The following FHIT variants were observed in gnomAD, a reference collection of about 807,000 sequenced individuals.
FHIT encodes bis(5'-adenosyl)-triphosphatase.
Under a neutral mutation model 17.9 loss-of-function variants are expected in FHIT, and 19 were observed. That is an observed-to-expected ratio of 1.06 (90% CI 0.74 to 1.56). FHIT has a LOEUF of 1.56. Among genes scored for constraint, FHIT ranks in the 40% most tolerant of loss-of-function variants. FHIT has a pLI of 0.00. For synonymous variants in FHIT, 81 were observed against 69.7 expected, an observed-to-expected ratio of 1.16 and a Z score of -0.81; for missense variants, 248 against 189.2, an observed-to-expected ratio of 1.31 and a Z score of -1.82.
intron 5 of FHIT, among the ~76,000 whole-genome samples, chr3:60,159,335 G>A (rs1559686106): frequency 6.6e-6 from 1 of 152,142 alleles, no homozygotes; most frequent in South Asian, 2.1e-4. Flanking sequence ...TACCCAGGCT[G>A]GTCTCAAACT....
At chr3:60,940,567 C>A (rs1462005608) in intron 3 of FHIT, among the ~76,000 whole-genome samples, 1 of 151,992 alleles carries the variant, frequency 6.6e-6, no homozygotes, top group Non-Finnish European at 1.5e-5. Flanking sequence ...AAAATAAATA[C>A]AATGAGGGTT....
At chr3:60,584,924 A>G (rs1333386354) in intron 4 of FHIT, among the ~76,000 whole-genome samples, 1 of 152,042 alleles carries the variant, frequency 6.6e-6, no homozygotes, top group Admixed American at 6.6e-5. Context: ...TCACTCCACT[A>G]AACTACATGA....
chr3:60,010,552 T>A (rs910009919), intron 7 of FHIT, among the ~76,000 whole-genome samples: 1 of 152,232 alleles, frequency 6.6e-6, no homozygotes, highest in African/African-American at 2.4e-5. Context: ...AGCATTAAAC[T>A]TTATTTCAAC....
At chr3:60,682,188 G>A (rs2040765521) in intron 4 of FHIT, among the ~76,000 whole-genome samples, 1 of 152,014 alleles carries the variant, frequency 6.6e-6, no homozygotes, top group African/African-American at 2.4e-5. Context: ...GGCTAGGCTG[G>A]TCTCGAACTC....
intron 8 of FHIT, among the ~76,000 whole-genome samples, chr3:59,918,301 G>A (rs1204780246): frequency 6.6e-6 from 1 of 152,114 alleles, no homozygotes; most frequent in Non-Finnish European, 1.5e-5. Context: ...CCTAAAGACT[G>A]TAACACATAA....
At chr3:59,816,581 A>G (rs1700607171) in intron 8 of FHIT, among the ~76,000 whole-genome samples, 2 of 152,138 alleles carry the variant, frequency 1.3e-5, no homozygotes, top group Admixed American at 6.5e-5. Flanking sequence ...GTTTGCAGAC[A>G]GTGATAGGTG....
At chr3:60,181,425 T>C (rs1196913426) in intron 5 of FHIT, among the ~76,000 whole-genome samples, 2 of 152,112 alleles carry the variant, frequency 1.3e-5, no homozygotes, top group African/African-American at 2.4e-5. Context: ...GGATTACAGG[T>C]GTGAGCCACA....
intron 5 of FHIT, among the ~76,000 whole-genome samples, chr3:60,238,478 G>A (rs1704936029): frequency 1.4e-5 from 2 of 142,716 alleles, no homozygotes; most frequent in African/African-American, 2.5e-5. Flanking sequence ...ACAGCACCAT[G>A]GAAAATGAAC....
intron 4 of FHIT, among the ~76,000 whole-genome samples, chr3:60,801,762 T>C: frequency 6.6e-6 from 1 of 152,236 alleles, no homozygotes; most frequent in East Asian, 1.9e-4. Context: ...GAATGTTTCA[T>C]TTAAAAATTC....
At chr3:60,229,977 A>G (rs1704413006) in intron 5 of FHIT, among the ~76,000 whole-genome samples, 1 of 152,204 alleles carries the variant, frequency 6.6e-6, no homozygotes, top group Non-Finnish European at 1.5e-5. Flanking sequence ...ACAAGACCCT[A>G]TCTCTAAAAA....
At chr3:60,541,513 T>C in intron 4 of FHIT, among the ~76,000 whole-genome samples, 1 of 152,192 alleles carries the variant, frequency 6.6e-6, no homozygotes, top group East Asian at 1.9e-4. Context: ...TACCTGGTTC[T>C]AGGGATGGGC....
intron 8 of FHIT, among the ~76,000 whole-genome samples, chr3:59,866,823 T>C (rs1274108719): frequency 6.6e-6 from 1 of 152,108 alleles, no homozygotes; most frequent in African/African-American, 2.4e-5. Flanking sequence ...ATCCTTGGGC[T>C]GAGACCAGCG....
Position 59,795,414 on chromosome 3 carries a change from T to C in FHIT, c.349-43093A>G, listed in dbSNP as rs372131731. ...AAAAAAAATACCATAACATTTTTTC[T>C]TCTTATTTTTATATAAAATAAGGCT... On this transcript the variant is annotated intron_variant, in intron 8 of 9. Coordinates refer to ENST00000492590, the MANE Select transcript of FHIT (RefSeq NM_002012.4). Among the ~76,000 whole-genome samples, 19 of 151,806 alleles carry C rather than the reference T, an allele frequency of 1.3e-4. No individual in the cohort carries two copies. The East Asian group carries it at 2.9e-3, about 23-fold the overall frequency.
chr3:60,217,699 C>G (rs1160355352), intron 5 of FHIT, among the ~76,000 whole-genome samples: 1 of 152,168 alleles, frequency 6.6e-6, no homozygotes, highest in African/African-American at 2.4e-5. Context: ...CATATTCAAA[C>G]CACACTGGCC....
intron 4 of FHIT, among the ~76,000 whole-genome samples, chr3:60,596,925 T>C (rs2038290629): frequency 6.6e-6 from 1 of 152,128 alleles, no homozygotes; most frequent in Admixed American, 6.6e-5. Context: ...ATTTCAGATA[T>C]TTTAGTGAAA....
intron 2 of FHIT, among the ~76,000 whole-genome samples, chr3:61,100,752 C>T (rs1266689506): frequency 6.6e-6 from 1 of 152,202 alleles, no homozygotes; most frequent in Non-Finnish European, 1.5e-5. Flanking sequence ...AATTGCCATT[C>T]TAACTGGCAT....
At chr3:60,407,847 CACAT>C (rs1701929149) in intron 5 of FHIT, among the ~76,000 whole-genome samples, 1 of 152,116 alleles carries the variant, frequency 6.6e-6, no homozygotes, top group Non-Finnish European at 1.5e-5. Flanking sequence ...TAAATAAACA[CACAT>C]AAATTTTTCA....
At chr3:60,991,316 C>T (rs982045679) in intron 3 of FHIT, among the ~76,000 whole-genome samples, 2 of 152,064 alleles carry the variant, frequency 1.3e-5, no homozygotes, top group Non-Finnish European at 2.9e-5. Context: ...CCAGTGGATG[C>T]GGGATGAGGT....
At chr3:60,006,878 C>T (rs1699946203) in intron 7 of FHIT, among the ~76,000 whole-genome samples, 1 of 152,152 alleles carries the variant, frequency 6.6e-6, no homozygotes, top group South Asian at 2.1e-4. Flanking sequence ...AGAAACTTCT[C>T]AGTGAACAGA....
Sources: allele counts gnomAD v4.1 joint callset (sites outside exome capture counted in the v4.1 genomes callset), GRCh38; gene constraint gnomAD v4.1.1; transcripts MANE v1.5; gene names NCBI Gene and HGNC (gene_info 2026-07-23, HGNC 2026-07-21).